SSH2: variants seen among roughly 807,000 people sequenced by gnomAD.
The protein encoded by SSH2 is slingshot protein phosphatase 2.
A neutral mutation model predicts 135.2 loss-of-function variants in SSH2; 37 were observed. That is an observed-to-expected ratio of 0.27 (90% CI 0.21 to 0.36). The LOEUF is 0.36. Ranked by LOEUF, SSH2 falls within the 10% of genes least tolerant of loss-of-function variation. The pLI is 1.00. For missense variants in SSH2, 1,408 were observed against 1,765.3 expected (o/e 0.80, Z 3.63); for synonymous variants, 628 against 646.2 (o/e 0.97, Z 0.43).
chr17:29,842,373 G>C (rs2043056969), intron 2 of SSH2, among the ~76,000 whole-genome samples: 1 of 150,806 alleles, frequency 6.6e-6, no homozygotes, highest in East Asian at 2.0e-4. Context: ...AGCATCTCTT[G>C]AACCTGGGAG....
chr17:29,750,863 A>G (rs900388628), intron 3 of SSH2, among the ~76,000 whole-genome samples: 6 of 151,886 alleles, frequency 4.0e-5, no homozygotes, highest in Admixed American at 3.3e-4. Flanking sequence ...AAAATACAAA[A>G]AAAAAAAAAA....
chr17:29,697,889 C>T (rs1295750288), intron 4 of SSH2, among the ~76,000 whole-genome samples: 1 of 152,244 alleles, frequency 6.6e-6, no homozygotes, highest in East Asian at 1.9e-4. Flanking sequence ...AAGTTGTACA[C>T]ACATCTATAA....
At chr17:29,831,157 G>A (rs541630524) in intron 2 of SSH2, among the ~76,000 whole-genome samples, 1 of 151,822 alleles carries the variant, frequency 6.6e-6, no homozygotes, top group South Asian at 2.1e-4. Context: ...TAGCAGACCC[G>A]GGTGAGGGTC....
At chr17:29,674,887 T>A (rs747429390) in intron 8 of SSH2, among the ~76,000 whole-genome samples, 70 of 152,228 alleles carry the variant, frequency 4.6e-4, no homozygotes, top group Non-Finnish European at 8.4e-4. Context: ...TGCAAAGCCA[T>A]CCTGGGCTGC....
chr17:29,924,045 T>C (rs942110003), intron 1 of SSH2, among the ~76,000 whole-genome samples: 1 of 152,250 alleles, frequency 6.6e-6, no homozygotes, highest in African/African-American at 2.4e-5. Context: ...TTCAGCTTTA[T>C]AAAATAAATG....
At chr17:29,911,391 T>G (rs1012274472) in intron 1 of SSH2, among the ~76,000 whole-genome samples, 2 of 152,166 alleles carry the variant, frequency 1.3e-5, no homozygotes, top group African/African-American at 2.4e-5. Flanking sequence ...TGTATTTGAT[T>G]TTTGCCCTAT....
intron 2 of SSH2, among the ~76,000 whole-genome samples, chr17:29,812,644 ACTTTGGGACACCGAAG>A (rs1358934120): frequency 1.3e-5 from 2 of 152,134 alleles, no homozygotes; most frequent in African/African-American, 4.8e-5. Flanking sequence ...TAATCCCAGC[ACTTTGGGACACCGAAG>A]CGGGTGGATC....
chr17:29,903,193 A>AAT (rs2066592297), intron 1 of SSH2, among the ~76,000 whole-genome samples: 2 of 150,138 alleles, frequency 1.3e-5, no homozygotes, highest in Admixed American at 6.7e-5. Context: ...TCAACTTAAA[A>AAT]ATATATATAT....
chr17:29,659,178 A>G (rs1417079087), intron 11 of SSH2, among the ~76,000 whole-genome samples: 1 of 152,190 alleles, frequency 6.6e-6, no homozygotes, highest in African/African-American at 2.4e-5. Context: ...GAGTACTGAT[A>G]TAATAGTTTA....
chr17:29,749,078 G>A (rs576491710), intron 3 of SSH2, among the ~76,000 whole-genome samples: 11 of 152,264 alleles, frequency 7.2e-5, no homozygotes, highest in Admixed American at 7.2e-4. Context: ...ATACCTAACT[G>A]AAAAATCTTT....
intron 9 of SSH2, among the ~76,000 whole-genome samples, chr17:29,669,451 T>C (rs771272725): frequency 3.9e-5 from 6 of 152,178 alleles, no homozygotes; most frequent in Non-Finnish European, 8.8e-5. Flanking sequence ...GCACACATTC[T>C]CCCTGTATTC....
intron 3 of SSH2, among the ~76,000 whole-genome samples, chr17:29,725,396 T>G (rs1290930608): frequency 7.7e-6 from 1 of 129,266 alleles, no homozygotes; most frequent in African/African-American, 2.9e-5. Flanking sequence ...ACTGGGTATA[T>G]ACCCAAAAGA....
intron 2 of SSH2, among the ~76,000 whole-genome samples, chr17:29,812,651 GA>G (rs2042464570): frequency 6.6e-6 from 1 of 152,186 alleles, no homozygotes; most frequent in Non-Finnish European, 1.5e-5. Flanking sequence ...AGCACTTTGG[GA>G]CACCGAAGCG....
rs576405372 is a variant in SSH2, at chr17:29,901,277, A to G, written c.63+28661T>C. ...CCTGTACCCTAAAACTTAAAGTATA[A>G]TAATAAAAAAAAAACAATGTTTTCT... On this transcript the variant is annotated intron_variant, in intron 1 of 15. Coordinates refer to ENST00000540801, the MANE Select transcript of SSH2 (RefSeq NM_001282129.2). Among the ~76,000 whole-genome samples the G allele has an allele frequency of 5.3e-5, 8 of 152,282 alleles. No homozygotes were observed. In the South Asian group the frequency reaches 1.7e-3, roughly 32 times the overall value.
chr17:29,819,485 A>C (rs1331616573), intron 2 of SSH2, among the ~76,000 whole-genome samples: 6 of 152,238 alleles, frequency 3.9e-5, no homozygotes, highest in Non-Finnish European at 8.8e-5. Context: ...TGGTAGTTAT[A>C]AAGTATGCTG....
intron 2 of SSH2, among the ~76,000 whole-genome samples, chr17:29,821,900 T>G (rs2042658826): frequency 6.6e-6 from 1 of 152,164 alleles, no homozygotes; most frequent in South Asian, 2.1e-4. Context: ...CGCCTCGGCC[T>G]CCCAAGGTGC....
intron 1 of SSH2, among the ~76,000 whole-genome samples, chr17:29,852,192 G>A (rs925398049): frequency 6.6e-6 from 1 of 151,522 alleles, no homozygotes; most frequent in African/African-American, 2.4e-5. Flanking sequence ...TGAGACAGAA[G>A]AATCACTTCA....
chr17:29,863,868 G>A (rs1437455193), intron 1 of SSH2: 2 of 152,052 alleles, frequency 1.3e-5, no homozygotes, highest in African/African-American at 2.4e-5. Context: ...ATTATTTTAC[G>A]AGTAATTACT....
At chr17:29,852,811 A>G (rs2151391987) in intron 1 of SSH2, among the ~76,000 whole-genome samples, 1 of 152,008 alleles carries the variant, frequency 6.6e-6, no homozygotes, top group African/African-American at 2.4e-5. Flanking sequence ...CGGCCTCCCA[A>G]AGTGCTGGGA....
Sources: allele counts gnomAD v4.1 joint callset (sites outside exome capture counted in the v4.1 genomes callset), GRCh38; gene constraint gnomAD v4.1.1; transcripts MANE v1.5; gene names NCBI Gene and HGNC (gene_info 2026-07-23, HGNC 2026-07-21).